The following MAN2A1 variants were observed in gnomAD, a reference collection of about 807,000 sequenced individuals.
MAN2A1 encodes mannosidase alpha class 2A member 1, also known as alpha-mannosidase 2.
A neutral mutation model predicts 142.6 loss-of-function variants in MAN2A1; 76 were observed. That is an observed-to-expected ratio of 0.53 (90% CI 0.44 to 0.65). MAN2A1 has a LOEUF of 0.65. MAN2A1 is among the 30% of genes least tolerant of loss of function. The probability of loss-of-function intolerance (pLI) is 0.00; values close to 1 mark genes in which losing one functional copy is unlikely to be tolerated. For missense variants in MAN2A1, 1,311 were observed against 1,365.1 expected (o/e 0.96, Z 0.62); for synonymous variants, 559 against 473.2 (o/e 1.18, Z -2.35).
chr5:109,842,310 A>G lies in MAN2A1; in HGVS notation c.2567-18A>G, dbSNP rs1418068953. On this transcript the variant is annotated intron_variant, in intron 16 of 21. Coordinates refer to ENST00000261483, the MANE Select transcript of MAN2A1 (RefSeq NM_002372.4). ...GTAATTTCTTTCTATTAATCCATAT[A>G]TATTTTTTTAAATTTAGGAATAGAA... 4.1e-6 allele frequency: 6 copies of G among 1,464,934 alleles called. No individual in the cohort carries two copies. In the African/African-American group the frequency reaches 7.2e-5, roughly 18 times the overall value. The allele number at this position is 1,464,934 out of a possible 1,614,324, so 90.7% of individuals were successfully genotyped here. A position where few individuals can be genotyped will look rare whatever the true frequency, so the allele number is the denominator to read the frequency against.
At chr5:109,730,464 T>A (rs1229388889) in intron 4 of MAN2A1, among the ~76,000 whole-genome samples, 1 of 152,148 alleles carries the variant, frequency 6.6e-6, no homozygotes, top group African/African-American at 2.4e-5. Flanking sequence ...TTTGCTGTCA[T>A]GTTTTAAAAA....
At chr5:109,707,330 G>T (rs1182049418) in intron 1 of MAN2A1, among the ~76,000 whole-genome samples, 1 of 152,046 alleles carries the variant, frequency 6.6e-6, no homozygotes, top group South Asian at 2.1e-4. Context: ...GTGTGGGTTT[G>T]TATGCCAAAA....
intron 12 of MAN2A1, among the ~76,000 whole-genome samples, chr5:109,803,846 G>GT: frequency 6.6e-6 from 1 of 152,188 alleles, no homozygotes; most frequent in Admixed American, 6.5e-5. Context: ...ATAAAGTACT[G>GT]TGAAAATGTT....
chr5:109,775,295 A>G (rs1753254814), intron 8 of MAN2A1, among the ~76,000 whole-genome samples: 1 of 152,054 alleles, frequency 6.6e-6, no homozygotes, highest in South Asian at 2.1e-4. Flanking sequence ...TTTTTTTACC[A>G]ACATTGAAAG....
intron 3 of MAN2A1, among the ~76,000 whole-genome samples, chr5:109,720,959 A>T (rs1286938887): frequency 1.3e-5 from 2 of 152,224 alleles, no homozygotes; most frequent in African/African-American, 2.4e-5. Flanking sequence ...TTTGGCTGCC[A>T]TGATGGGAAA....
chr5:109,855,747 A>G (rs374613979), intron 20 of MAN2A1, among the ~76,000 whole-genome samples: 7 of 152,198 alleles, frequency 4.6e-5, no homozygotes, highest in Admixed American at 3.3e-4. Flanking sequence ...TCAGTTTCCC[A>G]TTAGAAAACC....
At chr5:109,823,592 G>A in intron 15 of MAN2A1, 131 bp from the exon 16 acceptor site, 1 of 561,892 alleles carries the variant, frequency 1.8e-6, no homozygotes, top group Non-Finnish European at 3.1e-6. Flanking sequence ...TACCTTGTAA[G>A]ATCTGGTTTA....
At chr5:109,746,052 G>T (rs1255895514) in intron 4 of MAN2A1, among the ~76,000 whole-genome samples, 2 of 152,142 alleles carry the variant, frequency 1.3e-5, no homozygotes, top group African/African-American at 4.8e-5. Context: ...TTGGCTCACT[G>T]CCACCTCTGC....
Position 109,713,568 on chromosome 5 carries a change from C to T in MAN2A1, c.184C>T (p.Leu62=). The change falls in exon 2 of 22, where the codon CTA becomes TTA. Residue 62 remains leucine (L), a synonymous_variant. Transcript: ENST00000261483. ...QEKIDHLERL[L]AENNEIISNI... Reference sequence around the variant, plus strand: ...AAAAATAGACCATTTGGAGCGTTTGCTAGCTGAGAATAATGAGATCATCTC... The same window carrying T: ...AAAAATAGACCATTTGGAGCGTTTGTTAGCTGAGAATAATGAGATCATCTC... The T allele has an allele frequency of 6.2e-7, 1 of 1,613,558 alleles. No individual in the cohort carries two copies. Among genetic ancestry groups the T allele is most frequent in the Non-Finnish European group, 8.5e-7 (1 of 1,179,460 alleles).
At chr5:109,786,989 A>G (rs1279277810) in intron 10 of MAN2A1, among the ~76,000 whole-genome samples, 2 of 152,066 alleles carry the variant, frequency 1.3e-5, no homozygotes, top group Admixed American at 1.3e-4. Context: ...CATGCTGTCA[A>G]CAATAGATCG....
In MAN2A1 at chr5:109,840,804, G is replaced by A. The variant is rs1250920774; in HGVS notation, c.2567-1524G>A. The A allele has an allele frequency of 5.6e-5, 14 of 248,084 alleles. No homozygotes were observed. The South Asian group carries it at 5.9e-4, about 10-fold the overall frequency. The allele number at this position is 248,084 out of a possible 1,614,324, so 15.4% of individuals were successfully genotyped here. A position where few individuals can be genotyped will look rare whatever the true frequency, so the allele number is the denominator to read the frequency against. On this transcript the variant is annotated intron_variant, in intron 16 of 21. Transcript: ENST00000261483. ...GGAACACTGGGAACCTGTGTGGTGC[G>A]CCGGAGTCCTGAGGAGAAGCCTTGT...
chr5:109,737,533 G>A (rs1003056697), intron 4 of MAN2A1, among the ~76,000 whole-genome samples: 6 of 151,786 alleles, frequency 4.0e-5, no homozygotes, highest in African/African-American at 1.5e-4. Context: ...AGAATATAGA[G>A]TTTGGTATCT....
intron 8 of MAN2A1, among the ~76,000 whole-genome samples, chr5:109,777,985 T>C (rs1411016863): frequency 6.6e-6 from 1 of 151,978 alleles, no homozygotes. Flanking sequence ...TATCTGATAG[T>C]AAAAGTCTTC....
chr5:109,829,100 G>A (rs1178315572), intron 16 of MAN2A1, among the ~76,000 whole-genome samples: 4 of 152,126 alleles, frequency 2.6e-5, no homozygotes, highest in Admixed American at 1.3e-4. Context: ...AGTTCATGAC[G>A]CTTTTGTAAG....
intron 5 of MAN2A1, among the ~76,000 whole-genome samples, chr5:109,765,073 G>A (rs367607736): frequency 6.2e-4 from 94 of 152,234 alleles, no homozygotes; most frequent in African/African-American, 2.1e-3. Context: ...AATCAGGAAT[G>A]TTAACAGTGA....
At chr5:109,700,764 A>G (rs550350373) in intron 1 of MAN2A1, among the ~76,000 whole-genome samples, 67 of 152,262 alleles carry the variant, frequency 4.4e-4, no homozygotes, top group Non-Finnish European at 8.1e-4. Context: ...GACCTCAGCA[A>G]TTTGCCCAGT....
At chr5:109,732,078 A>G (rs1446452724) in intron 4 of MAN2A1, among the ~76,000 whole-genome samples, 1 of 151,584 alleles carries the variant, frequency 6.6e-6, no homozygotes, top group Non-Finnish European at 1.5e-5. Context: ...ATGGTATCTC[A>G]TTGTGGTTTT....
chr5:109,692,624 C>T (rs1049953334), intron 1 of MAN2A1, among the ~76,000 whole-genome samples: 3 of 152,182 alleles, frequency 2.0e-5, no homozygotes, highest in Admixed American at 6.5e-5. Flanking sequence ...GCCTTTGTAG[C>T]CCAGGCTCCC....
chr5:109,789,876 C>T (rs1440955687), intron 12 of MAN2A1, among the ~76,000 whole-genome samples: 1 of 151,348 alleles, frequency 6.6e-6, no homozygotes, highest in Non-Finnish European at 1.5e-5. Context: ...TTCATTAATC[C>T]CTGATCCTAT....
Sources: allele counts gnomAD v4.1 joint callset (sites outside exome capture counted in the v4.1 genomes callset), GRCh38; gene constraint gnomAD v4.1.1; transcripts MANE v1.5; gene names NCBI Gene and HGNC (gene_info 2026-07-23, HGNC 2026-07-21).